Variants in FABP6 observed in about 807,000 individuals in gnomAD.
The protein encoded by FABP6 is gastrotropin.
Under a neutral mutation model 14.9 loss-of-function variants are expected in FABP6, and 13 were observed. That is an observed-to-expected ratio of 0.87 (90% CI 0.57 to 1.39). The LOEUF (loss-of-function observed/expected upper bound fraction) is 1.39. Among genes scored for constraint, FABP6 ranks in the 40% most tolerant of loss-of-function variants. FABP6 has a pLI of 0.00. For synonymous variants in FABP6, 75 were observed against 63.6 expected, an observed-to-expected ratio of 1.18 and a Z score of -0.85; for missense variants, 161 against 167.2, an observed-to-expected ratio of 0.96 and a Z score of 0.20.
At chr5:160,212,181 G>T (rs1484827700) in intron 2 of FABP6, among the ~76,000 whole-genome samples, 1 of 151,586 alleles carries the variant, frequency 6.6e-6, no homozygotes, top group Non-Finnish European at 1.5e-5. Context: ...TTGAGATGGA[G>T]TCTCTCTCTG....
At chr5:160,218,927 T>A (rs1760074605) in intron 3 of FABP6, among the ~76,000 whole-genome samples, 1 of 152,156 alleles carries the variant, frequency 6.6e-6, no homozygotes. Context: ...CCTAGCTAAT[T>A]GTTTTTTAAT....
intron 2 of FABP6, among the ~76,000 whole-genome samples, chr5:160,210,017 G>T (rs938105172): frequency 6.6e-6 from 1 of 152,182 alleles, no homozygotes; most frequent in Non-Finnish European, 1.5e-5. Flanking sequence ...GTGTCTTCAG[G>T]AGACCCGACG....
At chr5:160,228,338 C>T, upstream of FABP6, 1 of 437,076 alleles carries the variant, frequency 2.3e-6, no homozygotes, top group South Asian at 1.6e-5. Flanking sequence ...TTGCAGTGAG[C>T]CGAGATCACA....
At chr5:160,208,875 C>T (rs1561746225) in intron 2 of FABP6, among the ~76,000 whole-genome samples, 4 of 151,300 alleles carry the variant, frequency 2.6e-5, no homozygotes, top group East Asian at 3.9e-4. Flanking sequence ...CTCCCGGATT[C>T]AAGCAATTCT....
chr5:160,212,556 C>T (rs10080214), intron 2 of FABP6, among the ~76,000 whole-genome samples: 43,538 of 151,190 alleles, frequency 0.29, 6,347 homozygotes, highest in East Asian at 0.45. Context: ...GCAAGCTCCG[C>T]CTCCCAGGTT....
At chr5:160,217,621 A>G (rs1424957259) in intron 3 of FABP6, among the ~76,000 whole-genome samples, 1 of 148,740 alleles carries the variant, frequency 6.7e-6, no homozygotes, top group Non-Finnish European at 1.5e-5. Flanking sequence ...ATTTTATCTT[A>G]TTTATTTATT....
chr5:160,202,010 C>T (rs6867503), intron 2 of FABP6, among the ~76,000 whole-genome samples: 8,348 of 152,224 alleles, frequency 0.055, 472 homozygotes, highest in East Asian at 0.19. Flanking sequence ...GCGATCTGCT[C>T]GCCTTCACCT....
At chr5:160,226,737 A>G (rs1760255802), upstream of FABP6, among the ~76,000 whole-genome samples, 1 of 152,164 alleles carries the variant, frequency 6.6e-6, no homozygotes, top group South Asian at 2.1e-4. Context: ...CAAATGCATA[A>G]TAAAGATCCA....
chr5:160,188,444 G>A (rs1759331933), intron 1 of FABP6, among the ~76,000 whole-genome samples: 1 of 152,042 alleles, frequency 6.6e-6, no homozygotes, highest in South Asian at 2.1e-4. Flanking sequence ...GGACGGGGGA[G>A]GGATTGGGGG....
intron 2 of FABP6, among the ~76,000 whole-genome samples, chr5:160,234,380 CTTTTTT>C (rs35775372): frequency 3.6e-5 from 3 of 84,074 alleles, no homozygotes; most frequent in Non-Finnish European, 4.5e-5. Context: ...AGAAATCTGA[CTTTTTT>C]TTTTTTTTTT....
rs148884510 is a variant in FABP6, at chr5:160,234,541, C to G, written c.244-279C>G. ...TCCCGGGTTCAAGTGATTCTCACGC[C>G]TCAGCCTCCCAAGTAGCTGGGATTA... On this transcript the variant is annotated intron_variant, in intron 2 of 3. Coordinates refer to ENST00000402432, the MANE Select transcript of FABP6 (RefSeq NM_001445.3). 3.7e-3 allele frequency among the ~76,000 whole-genome samples: 557 copies of G among 152,044 alleles called. 21 individuals are homozygous for G. The East Asian group carries it at 0.066, about 18-fold the overall frequency.
At chr5:160,217,948 A>G (rs1760046478) in intron 3 of FABP6, among the ~76,000 whole-genome samples, 1 of 151,870 alleles carries the variant, frequency 6.6e-6, no homozygotes, top group Admixed American at 6.6e-5. Context: ...TGGCCTATTT[A>G]TTTATTTTAG....
At chr5:160,236,905 C>G (rs1040085537) in intron 3 of FABP6, among the ~76,000 whole-genome samples, 1 of 151,680 alleles carries the variant, frequency 6.6e-6, no homozygotes, top group Non-Finnish European at 1.5e-5. Context: ...TCGCTTCAAT[C>G]CAGGAGGCAG....
intron 3 of FABP6, 123 bp downstream of exon 3, chr5:160,235,032 T>G: frequency 1.5e-6 from 1 of 666,038 alleles, no homozygotes; most frequent in Non-Finnish European, 2.5e-6. Flanking sequence ...CCAGGCTCTA[T>G]GCTGAGTGCT....
intron 2 of FABP6, among the ~76,000 whole-genome samples, chr5:160,232,596 T>C (rs1012543994): frequency 2.6e-5 from 4 of 152,216 alleles, no homozygotes; most frequent in Middle Eastern, 3.4e-3. Context: ...GGCTAAATCA[T>C]GAGATTAAAA....
upstream of FABP6, among the ~76,000 whole-genome samples, chr5:160,229,111 G>C (rs1278419556): frequency 3.3e-5 from 5 of 152,194 alleles, no homozygotes; most frequent in Non-Finnish European, 7.3e-5. Context: ...AGGCTCTTTT[G>C]GGAAAGGTGT....
upstream of FABP6, among the ~76,000 whole-genome samples, chr5:160,225,952 T>A (rs534382963): frequency 6.6e-6 from 1 of 151,794 alleles, no homozygotes; most frequent in South Asian, 2.1e-4. Flanking sequence ...GGCGAGTGGA[T>A]CACTTGAGGT....
chr5:160,223,389 CCT>C (rs1372007528), intron 3 of FABP6, among the ~76,000 whole-genome samples: 3,537 of 18,486 alleles, frequency 0.19, 106 homozygotes, highest in East Asian at 0.47. Flanking sequence ...CTCCCTCTCT[CCT>C]TCCTTCCTTC....
At chr5:160,196,762 A>T in intron 1 of FABP6, 1 of 152,334 alleles carries the variant, frequency 6.6e-6, no homozygotes, top group Admixed American at 6.5e-5. Flanking sequence ...TTTAGTACAG[A>T]CGGGGTTTCA....
Sources: gnomAD v4.1 joint callset for allele counts (sites outside exome capture counted in the v4.1 genomes callset) on GRCh38, gnomAD v4.1.1 for gene constraint, MANE v1.5 for transcripts, NCBI Gene and HGNC (gene_info 2026-07-23, HGNC 2026-07-21) for gene names.